Variants in CCSER1 observed in about 807,000 individuals in gnomAD.
The protein encoded by CCSER1 is coiled-coil serine rich protein 1, also known as serine-rich coiled-coil domain-containing protein 1.
A neutral mutation model predicts 82.0 loss-of-function variants in CCSER1; 41 were observed. That is an observed-to-expected ratio of 0.50 (90% confidence interval 0.39 to 0.65). CCSER1 has a LOEUF of 0.65. Ranked by LOEUF, CCSER1 falls within the 30% of genes least tolerant of loss-of-function variation. The pLI, the probability that CCSER1 is intolerant of heterozygous loss-of-function variation, is 0.00. For synonymous variants in CCSER1, 414 were observed against 383.9 expected (o/e 1.08, Z -0.92); for missense variants, 1,119 against 1,064.2 (o/e 1.05, Z -0.72).
At chr4:91,148,204 A>G (rs1729736025) in intron 10 of CCSER1, among the ~76,000 whole-genome samples, 3 of 152,168 alleles carry the variant, frequency 2.0e-5, no homozygotes, top group South Asian at 4.1e-4. Flanking sequence ...TACATTAGTG[A>G]TGGGACATTG....
intron 10 of CCSER1, among the ~76,000 whole-genome samples, chr4:91,143,956 T>C (rs551080313): frequency 2.9e-4 from 44 of 152,116 alleles, no homozygotes; most frequent in African/African-American, 9.9e-4. Context: ...TGTGTCTTTG[T>C]CAGATTTTGG....
intron 6 of CCSER1, among the ~76,000 whole-genome samples, chr4:90,648,504 T>G (rs1251067668): frequency 4.3e-5 from 4 of 92,120 alleles, no homozygotes; most frequent in Admixed American, 4.2e-4. Context: ...ATTAATATGT[T>G]AAAGCCCTAA....
chr4:90,492,512 A>G (rs1053832083), intron 5 of CCSER1, among the ~76,000 whole-genome samples: 10 of 152,120 alleles, frequency 6.6e-5, no homozygotes, highest in Admixed American at 4.6e-4. Context: ...TTGTGTCTCT[A>G]TCTCCTTCAG....
chr4:91,395,627 T>G (rs1448688878), intron 10 of CCSER1, among the ~76,000 whole-genome samples: 2 of 152,080 alleles, frequency 1.3e-5, no homozygotes, highest in African/African-American at 2.4e-5. Context: ...TTAGAAAGTT[T>G]ATCCAGGTTT....
chr4:91,331,655 A>C (rs919309203), intron 10 of CCSER1, among the ~76,000 whole-genome samples: 1 of 152,166 alleles, frequency 6.6e-6, no homozygotes, highest in African/African-American at 2.4e-5. Flanking sequence ...TAAAATAATA[A>C]ACATAGAATC....
At chr4:91,138,903 T>C (rs1728751000) in intron 10 of CCSER1, among the ~76,000 whole-genome samples, 1 of 152,160 alleles carries the variant, frequency 6.6e-6, no homozygotes. Flanking sequence ...TATTTTAGAT[T>C]CTGGGGTTAC....
At chr4:90,147,462 A>T (rs57291587) in intron 1 of CCSER1, among the ~76,000 whole-genome samples, 42,660 of 151,982 alleles carry the variant, frequency 0.28, 7,553 homozygotes, top group East Asian at 0.65. Context: ...TTATTAAAAT[A>T]TGCATCTAGT....
At chr4:91,211,011 T>C (rs925877318) in intron 10 of CCSER1, among the ~76,000 whole-genome samples, 1 of 152,022 alleles carries the variant, frequency 6.6e-6, no homozygotes, top group African/African-American at 2.4e-5. Flanking sequence ...GAAGATTTTA[T>C]GTAAGTTTAA....
intron 3 of CCSER1, among the ~76,000 whole-genome samples, chr4:90,395,315 C>T (rs1217988601): frequency 1.3e-5 from 2 of 152,208 alleles, no homozygotes; most frequent in African/African-American, 2.4e-5. Flanking sequence ...AAAAGCAAAT[C>T]AGTATGCTTC....
intron 8 of CCSER1, among the ~76,000 whole-genome samples, chr4:90,911,664 G>A (rs1726384526): frequency 6.6e-6 from 1 of 152,162 alleles, no homozygotes; most frequent in Admixed American, 6.5e-5. Context: ...CCAAGCATGA[G>A]CTGAAGCAGG....
At chr4:91,490,464 ATTATGT>A (rs2110067677) in intron 10 of CCSER1, among the ~76,000 whole-genome samples, 1 of 152,192 alleles carries the variant, frequency 6.6e-6, no homozygotes, top group Non-Finnish European at 1.5e-5. Flanking sequence ...ACTGGAGGAC[ATTATGT>A]TAATTGGAAT....
At chr4:90,648,045 T>C (rs1579695386) in intron 6 of CCSER1, among the ~76,000 whole-genome samples, 1 of 151,998 alleles carries the variant, frequency 6.6e-6, no homozygotes, top group African/African-American at 2.4e-5. Context: ...CTTTTTTTCA[T>C]TCACTATCTG....
chr4:91,282,780 A>C (rs955612629), intron 10 of CCSER1, among the ~76,000 whole-genome samples: 2 of 152,152 alleles, frequency 1.3e-5, no homozygotes, highest in Non-Finnish European at 2.9e-5. Flanking sequence ...ATTTGGCAAC[A>C]GGGATTATTT....
At chr4:90,289,344 T>C (rs1347100864) in intron 1 of CCSER1, among the ~76,000 whole-genome samples, 1 of 151,958 alleles carries the variant, frequency 6.6e-6, no homozygotes, top group Non-Finnish European at 1.5e-5. Context: ...TTAGGTCTTC[T>C]AGAGATTATG....
intron 1 of CCSER1, among the ~76,000 whole-genome samples, chr4:90,283,164 G>A (rs1051812807): frequency 1.3e-5 from 2 of 151,606 alleles, no homozygotes; most frequent in Admixed American, 1.3e-4. Context: ...AAACTCCTTG[G>A]TTATTCATAT....
At chr4:90,602,280 C>A (rs577173050) in intron 5 of CCSER1, among the ~76,000 whole-genome samples, 1 of 152,158 alleles carries the variant, frequency 6.6e-6, no homozygotes, top group African/African-American at 2.4e-5. Context: ...TTTCTTTATA[C>A]CTGGTAATAT....
intron 10 of CCSER1, among the ~76,000 whole-genome samples, chr4:91,299,741 C>T (rs1744511925): frequency 6.7e-6 from 1 of 150,238 alleles, no homozygotes; most frequent in Non-Finnish European, 1.5e-5. Context: ...CTGTAAAAGT[C>T]ACAATAAAAA....
intron 10 of CCSER1, among the ~76,000 whole-genome samples, chr4:91,283,288 C>T (rs1475078600): frequency 1.3e-5 from 2 of 151,858 alleles, no homozygotes; most frequent in African/African-American, 4.8e-5. Context: ...TAACTTTTTT[C>T]CCTTTATTAA....
At chr4:91,160,277 T>G (rs189951317) in intron 10 of CCSER1, among the ~76,000 whole-genome samples, 342 of 152,364 alleles carry the variant, frequency 2.2e-3, no homozygotes, top group Non-Finnish European at 3.9e-3. Context: ...TGCCACATTT[T>G]CTTAATCCAG....
Sources: allele counts gnomAD v4.1 joint callset (sites outside exome capture counted in the v4.1 genomes callset), GRCh38; gene constraint gnomAD v4.1.1; transcripts MANE v1.5; gene names NCBI Gene and HGNC (gene_info 2026-07-23, HGNC 2026-07-21).